RAB22A: variants seen among roughly 807,000 people sequenced by gnomAD.
RAB22A encodes ras-related protein Rab-22A.
A neutral mutation model predicts 30.2 loss-of-function variants in RAB22A; 13 were observed. The ratio of observed to expected loss-of-function variants is 0.43; its 90% CI spans 0.28 to 0.68. The LOEUF (loss-of-function observed/expected upper bound fraction) is 0.68, where lower values mean the gene tolerates loss of function less well. RAB22A is among the 30% of genes least tolerant of loss of function. The probability of loss-of-function intolerance (pLI) is 0.18; values close to 1 mark genes in which losing one functional copy is unlikely to be tolerated. For synonymous variants in RAB22A, 89 were observed against 87.2 expected, an observed-to-expected ratio of 1.02 and a Z score of -0.11; for missense variants, 177 against 246.8, an observed-to-expected ratio of 0.72 and a Z score of 1.89.
chr20:58,343,780 A>C lies in RAB22A; in HGVS notation c.179A>C (p.Asp60Ala). ...QNELHKFLIW[D>A]TAGQERFRAL... Reference sequence around the variant, plus strand: ...GAGCTACATAAATTCCTAATCTGGGATACAGCTGGACAAGAACGAGTAAGT... The same window carrying C: ...GAGCTACATAAATTCCTAATCTGGGCTACAGCTGGACAAGAACGAGTAAGT... Residue 60 changes from aspartate to alanine, a missense_variant, in exon 3 of 7, where the codon GAT becomes GCT. By Grantham distance (126) the Asp-to-Ala change is moderately radical. Coordinates refer to ENST00000244040, the MANE Select transcript of RAB22A (RefSeq NM_020673.3). 1.2e-6 allele frequency: 2 copies of C among 1,609,562 alleles called. No individual in the cohort carries two copies. The highest frequency in any genetic ancestry group is 1.7e-6 in the Non-Finnish European group (2 of 1,175,890).
At chr20:58,353,248 G>C (rs1278818266) in intron 3 of RAB22A, 25 bp from the exon 4 acceptor site, 1 of 1,602,730 alleles carries the variant, frequency 6.2e-7, no homozygotes, top group African/African-American at 1.3e-5. Flanking sequence ...TCCCAATTTT[G>C]TTTATTTTTC....
chr20:58,314,214 G>A (rs377018030), intron 2 of RAB22A, among the ~76,000 whole-genome samples: 9 of 151,948 alleles, frequency 5.9e-5, no homozygotes, highest in East Asian at 1.9e-4. Context: ...GAATCTGCCC[G>A]CCACAATGCC....
rs115788266 is a variant in RAB22A at position 58,317,000 on chromosome 20, G to C, written c.116+5878G>C. 9.3e-3 allele frequency among the ~76,000 whole-genome samples: 1,418 copies of C among 152,270 alleles called. 24 individuals carry two copies. Among genetic ancestry groups the C allele is most frequent in the Middle Eastern group, 0.031 (9 of 294 alleles). The stretch of plus-strand genomic sequence containing the variant: ...CTATTGCTGTTATATGACTTCTAGG[G>C]CTTCATCTTCCTTCATGGAGATGAG... On this transcript the variant is annotated intron_variant, in intron 2 of 6. Coordinates refer to ENST00000244040, the MANE Select transcript of RAB22A (RefSeq NM_020673.3).
At position 58,309,747 on chromosome 20, in the gene RAB22A, G is replaced by A. The variant is rs1409625231; in HGVS notation, c.-230G>A. On this transcript the variant is annotated 5_prime_UTR_variant, in exon 1 of 7. Coordinates refer to ENST00000244040, the MANE Select transcript of RAB22A (RefSeq NM_020673.3). ...GCGGCCGGCGTCCCAAGATGGCGGC[G>A]GCGGCGGCTCCCGGAAGGCCGCGGC... The A allele has an allele frequency of 1.9e-5, 5 of 261,144 alleles. No homozygotes were observed. In the East Asian group the frequency reaches 3.0e-4, roughly 15 times the overall value. 16.2% of individuals were successfully genotyped at this position (261,144 alleles called of 1,614,324 possible).
At chr20:58,315,210 CCT>C (rs1476528275) in intron 2 of RAB22A, among the ~76,000 whole-genome samples, 3 of 152,078 alleles carry the variant, frequency 2.0e-5, no homozygotes, top group Admixed American at 6.5e-5. Context: ...AGTCTCCTGG[CCT>C]CTCATACTGA....
chr20:58,323,625 CTTTTTTTTTCT>C (rs1394478976), intron 2 of RAB22A, among the ~76,000 whole-genome samples: 1 of 136,658 alleles, frequency 7.3e-6, no homozygotes, highest in Non-Finnish European at 1.6e-5. Flanking sequence ...TTTTTTTTTT[CTTTTTTTTTCT>C]TTTTTTTTTT....
At chr20:58,332,220 T>C (rs2122945743) in intron 2 of RAB22A, among the ~76,000 whole-genome samples, 1 of 152,228 alleles carries the variant, frequency 6.6e-6, no homozygotes, top group East Asian at 1.9e-4. Context: ...GAAACCTAAA[T>C]AAACTAAACT....
chr20:58,312,284 T>A (rs1986242208), intron 2 of RAB22A, among the ~76,000 whole-genome samples: 1 of 150,146 alleles, frequency 6.7e-6, no homozygotes, highest in African/African-American at 2.4e-5. Flanking sequence ...GTCTGCTTTT[T>A]TTTTTTTTTT....
chr20:58,346,274 AATC>A (rs1385580760), intron 3 of RAB22A, among the ~76,000 whole-genome samples: 9 of 152,212 alleles, frequency 5.9e-5, no homozygotes, highest in Non-Finnish European at 1.0e-4. Context: ...TGGAAACAAA[AATC>A]AGCCTGTGTT....
chr20:58,336,316 G>GTT (rs150664790), intron 2 of RAB22A, among the ~76,000 whole-genome samples: 138 of 151,924 alleles, frequency 9.1e-4, no homozygotes, highest in African/African-American at 3.3e-3. Flanking sequence ...CCGGCCGCTG[G>GTT]TTTTTTTTCA....
At position 58,348,422 on chromosome 20, in the gene RAB22A, G is replaced by A. The variant is rs141100515; in HGVS notation, c.198+4623G>A. 3.0e-3 allele frequency among the ~76,000 whole-genome samples: 463 copies of A among 152,316 alleles called. 3 individuals carry two copies. Among genetic ancestry groups the A allele is most frequent in the African/African-American group, 0.011 (449 of 41,564 alleles). ...CTCCTGTTTAAAATCAAGAACAAGTGTAGTGGCTTAGTATCATCTAGAATT... is the reference window on the plus strand; with the variant it reads ...CTCCTGTTTAAAATCAAGAACAAGTATAGTGGCTTAGTATCATCTAGAATT... On this transcript the variant is annotated intron_variant, in intron 3 of 6. Coordinates refer to ENST00000244040, the MANE Select transcript of RAB22A (RefSeq NM_020673.3).
chr20:58,310,145 C>T (rs956773478), intron 1 of RAB22A, 133 bp downstream of exon 1: 11 of 959,786 alleles, frequency 1.1e-5, no homozygotes, highest in Non-Finnish European at 1.4e-6. Context: ...TGGACCCTCC[C>T]TCCAGCTCGG....
intron 2 of RAB22A, among the ~76,000 whole-genome samples, chr20:58,312,858 T>A (rs887480982): frequency 6.6e-6 from 1 of 152,114 alleles, no homozygotes; most frequent in African/African-American, 2.4e-5. Context: ...AATTCACCAA[T>A]AAGTTTCTGC....
chr20:58,338,616 C>T (rs1473523659), intron 2 of RAB22A, among the ~76,000 whole-genome samples: 4 of 152,196 alleles, frequency 2.6e-5, no homozygotes, highest in Non-Finnish European at 5.9e-5. Flanking sequence ...TATGGATACA[C>T]TTGAGACTTC....
At chr20:58,330,470 G>A (rs751035722) in intron 2 of RAB22A, among the ~76,000 whole-genome samples, 1 of 151,480 alleles carries the variant, frequency 6.6e-6, no homozygotes, top group Non-Finnish European at 1.5e-5. Context: ...TTGACCTTGG[G>A]TCACATTTTC....
In RAB22A at chr20:58,363,569, A is replaced by T. The variant is rs183859657; in HGVS notation, c.*3866A>T. On this transcript the variant is annotated 3_prime_UTR_variant, in exon 7 of 7. Transcript: ENST00000244040. Reference sequence around the variant, plus strand: ...TATAAATGTTCCTTCTAACTCTGTAATGAAAGTTCAGTGACAAACTAGATA... The same window carrying T: ...TATAAATGTTCCTTCTAACTCTGTATTGAAAGTTCAGTGACAAACTAGATA... 1 of 152,352 alleles carries T rather than the reference A, an allele frequency of 6.6e-6. No homozygotes were observed. The highest frequency in any genetic ancestry group is 1.5e-5 in the Non-Finnish European group (1 of 68,038). The allele number at this position is 152,352 out of a possible 1,614,324, so 9.4% of individuals were successfully genotyped here. A position where few individuals can be genotyped will look rare whatever the true frequency, so the allele number is the denominator to read the frequency against.
At chr20:58,333,987 G>A (rs1190367565) in intron 2 of RAB22A, among the ~76,000 whole-genome samples, 1 of 152,110 alleles carries the variant, frequency 6.6e-6, no homozygotes, top group Non-Finnish European at 1.5e-5. Flanking sequence ...GAGCCCAGGA[G>A]TTCAAGGCTA....
chr20:58,321,518 G>A (rs1358710464), intron 2 of RAB22A, among the ~76,000 whole-genome samples: 2 of 152,166 alleles, frequency 1.3e-5, no homozygotes, highest in African/African-American at 2.4e-5. Context: ...CTGATGTGTG[G>A]AGTATTCTGT....
chr20:58,339,270 A>C (rs1478378315), intron 2 of RAB22A, among the ~76,000 whole-genome samples: 1 of 152,260 alleles, frequency 6.6e-6, no homozygotes, highest in African/African-American at 2.4e-5. Flanking sequence ...TTAAAGACAT[A>C]ATAAGATCTG....
Sources: allele counts gnomAD v4.1 joint callset (sites outside exome capture counted in the v4.1 genomes callset), GRCh38; gene constraint gnomAD v4.1.1; transcripts MANE v1.5; gene names NCBI Gene and HGNC (gene_info 2026-07-23, HGNC 2026-07-21).